The following C10orf90 variants were observed in gnomAD, a reference collection of about 807,000 sequenced individuals.
C10orf90 encodes the protein (E2-independent) E3 ubiquitin-conjugating enzyme FATS.
In C10orf90, 56 loss-of-function variants were observed where a neutral mutation model predicts 62.5. The observed-to-expected ratio is 0.90, with a 90% CI of 0.72 to 1.12. The LOEUF (loss-of-function observed/expected upper bound fraction) is 1.12, where lower values mean the gene tolerates loss of function less well. Among genes scored for constraint, C10orf90 ranks in the 50% most tolerant of loss-of-function variants. C10orf90 has a pLI of 0.00. For missense variants in C10orf90, 970 were observed against 880.4 expected, an observed-to-expected ratio of 1.10 and a Z score of -1.29; for synonymous variants, 386 against 340.4, an observed-to-expected ratio of 1.13 and a Z score of -1.47.
At chr10:126,432,904 T>C (rs1857674218) in intron 7 of C10orf90, among the ~76,000 whole-genome samples, 1 of 152,108 alleles carries the variant, frequency 6.6e-6, no homozygotes, top group Admixed American at 6.5e-5. Context: ...TGTTAAGGAG[T>C]TGCCTTCAGA....
At chr10:126,521,376 A>G in intron 2 of C10orf90, 1 of 1,613,232 alleles carries the variant, frequency 6.2e-7, no homozygotes, top group Non-Finnish European at 8.5e-7. Flanking sequence ...TTTAATGACA[A>G]GGATGTATTT....
chr10:126,659,053 A>G (rs539413925), intron 1 of C10orf90, among the ~76,000 whole-genome samples: 67 of 152,302 alleles, frequency 4.4e-4, no homozygotes, highest in Non-Finnish European at 9.0e-4. Context: ...CAGTGGCTGC[A>G]CGCATTGGGA....
At chr10:126,521,399 GAAA>G in intron 2 of C10orf90, 1 of 1,602,694 alleles carries the variant, frequency 6.2e-7, no homozygotes, top group Non-Finnish European at 8.5e-7. Flanking sequence ...CGACATGAAA[GAAA>G]AAAATGTCCG....
At chr10:126,565,290 T>G in intron 2 of C10orf90, among the ~76,000 whole-genome samples, 1 of 69,052 alleles carries the variant, frequency 1.4e-5, no homozygotes, top group Non-Finnish European at 2.5e-5. Flanking sequence ...TTATATATTA[T>G]ATATTTATAT....
At chr10:126,516,221 G>T (rs1318808681) in intron 2 of C10orf90, among the ~76,000 whole-genome samples, 3 of 152,194 alleles carry the variant, frequency 2.0e-5, no homozygotes, top group Admixed American at 6.5e-5. Flanking sequence ...CTGCAAAAAT[G>T]CTGCTTTGCC....
rs763566192 is a variant in C10orf90 at position 126,605,425 on chromosome 10, G to T, written c.313+41140C>A. 9.8e-5 allele frequency among the ~76,000 whole-genome samples: 15 copies of T among 152,306 alleles called. 2 individuals carry two copies. The highest frequency in any genetic ancestry group is 3.4e-3 in the Middle Eastern group (1 of 294). Reference sequence around the variant, plus strand: ...AAAGGAGACTTAGTTTCCCTCTGGGGCTTGTTGTGGAGGACCCTGGAGAGG... The same window carrying T: ...AAAGGAGACTTAGTTTCCCTCTGGGTCTTGTTGTGGAGGACCCTGGAGAGG... On this transcript the variant is annotated intron_variant, in intron 2 of 9. Coordinates refer to ENST00000488181, the MANE Select transcript of C10orf90 (RefSeq NM_001350921.2).
chr10:126,449,057 A>T (rs1858989090), intron 7 of C10orf90, among the ~76,000 whole-genome samples: 1 of 152,220 alleles, frequency 6.6e-6, no homozygotes, highest in South Asian at 2.1e-4. Context: ...TTACTCTGAC[A>T]CCAAAGTCAG....
intron 2 of C10orf90, among the ~76,000 whole-genome samples, chr10:126,541,551 A>G (rs1864377612): frequency 6.6e-6 from 1 of 152,220 alleles, no homozygotes. Context: ...TTCAGTAGAC[A>G]TTCCCCAAAA....
intron 2 of C10orf90, among the ~76,000 whole-genome samples, chr10:126,548,134 G>C (rs1286767712): frequency 6.6e-6 from 1 of 151,840 alleles, no homozygotes; most frequent in Non-Finnish European, 1.5e-5. Flanking sequence ...CTATATATAG[G>C]CTTAACATAA....
chr10:126,612,721 C>T (rs1284307169), intron 2 of C10orf90, among the ~76,000 whole-genome samples: 1 of 152,128 alleles, frequency 6.6e-6, no homozygotes, highest in Non-Finnish European at 1.5e-5. Context: ...GTTCAACTAC[C>T]CAAACCTGGA....
intron 2 of C10orf90, among the ~76,000 whole-genome samples, chr10:126,612,658 C>T (rs1431319976): frequency 1.3e-5 from 2 of 152,164 alleles, no homozygotes; most frequent in African/African-American, 4.8e-5. Context: ...GGTGGACTAT[C>T]GTGTTTTCCA....
In C10orf90 at chr10:126,646,584, A is replaced by G. The variant is rs1456878989; in HGVS notation, c.294T>C (p.Asn98=). The change falls in exon 2 of 10, where the codon AAT becomes AAC. Residue 98 remains asparagine, a synonymous_variant. Transcript: ENST00000488181. ...SPKDHSAWER[N]ESLSNAGLRD... ...CTTTACCTGCATTGGAAAGACTTTC[A>G]TTTCTTTCCCAGGCAGAATGATCTT... is the stretch of plus-strand genomic sequence containing the variant. 4 of 450,740 alleles carry G rather than the reference A, an allele frequency of 8.9e-6. No homozygotes were observed. Among genetic ancestry groups the G allele is most frequent in the Middle Eastern group, 3.3e-4 (1 of 3,044 alleles). 27.9% of individuals were successfully genotyped at this position (450,740 alleles called of 1,614,324 possible).
At chr10:126,438,042 C>G (rs1858033188) in intron 7 of C10orf90, among the ~76,000 whole-genome samples, 1 of 152,196 alleles carries the variant, frequency 6.6e-6, no homozygotes, top group Non-Finnish European at 1.5e-5. Flanking sequence ...GTGACTGACT[C>G]CACTTTTTCC....
intron 7 of C10orf90, among the ~76,000 whole-genome samples, chr10:126,450,639 C>A (rs766945974): frequency 2.0e-5 from 3 of 152,130 alleles, no homozygotes; most frequent in Non-Finnish European, 4.4e-5. Context: ...TGGATATCCA[C>A]ATGCAGAAGA....
intron 4 of C10orf90, among the ~76,000 whole-genome samples, chr10:126,498,304 T>A (rs1457446746): frequency 6.6e-6 from 1 of 152,148 alleles, no homozygotes; most frequent in Non-Finnish European, 1.5e-5. Context: ...AGCCCCAGAA[T>A]CTGACCACTT....
At chr10:126,651,688 CT>C (rs1465791739) in intron 1 of C10orf90, among the ~76,000 whole-genome samples, 1 of 152,170 alleles carries the variant, frequency 6.6e-6, no homozygotes, top group Non-Finnish European at 1.5e-5. Flanking sequence ...ATACAGAACA[CT>C]GCTGCCAGTG....
intron 6 of C10orf90, among the ~76,000 whole-genome samples, chr10:126,460,500 T>C (rs745710687): frequency 6.6e-5 from 10 of 152,240 alleles, no homozygotes; most frequent in African/African-American, 2.2e-4. Flanking sequence ...AGAAGTCTTC[T>C]TGGCCAGCTC....
chr10:126,472,500 G>T (rs1179490917), intron 4 of C10orf90, among the ~76,000 whole-genome samples: 1 of 152,116 alleles, frequency 6.6e-6, no homozygotes, highest in African/African-American at 2.4e-5. Flanking sequence ...TAACAGCACA[G>T]GTTCATCGAG....
At chr10:126,600,188 T>C (rs772418358) in intron 2 of C10orf90, among the ~76,000 whole-genome samples, 4 of 146,168 alleles carry the variant, frequency 2.7e-5, no homozygotes, top group Non-Finnish European at 4.4e-5. Context: ...CACGTGTGTG[T>C]GCATCGCATG....
Sources: gnomAD v4.1 joint callset for allele counts (sites outside exome capture counted in the v4.1 genomes callset) on GRCh38, gnomAD v4.1.1 for gene constraint, MANE v1.5 for transcripts, NCBI Gene and HGNC (gene_info 2026-07-23, HGNC 2026-07-21) for gene names.